The following CDKAL1 variants were observed in gnomAD, a reference collection of about 807,000 sequenced individuals.
The protein encoded by CDKAL1 is CDKAL1 threonylcarbamoyladenosine tRNA methylthiotransferase.
A neutral mutation model predicts 68.2 loss-of-function variants in CDKAL1; 32 were observed. That is an observed-to-expected ratio of 0.47 (90% CI 0.35 to 0.63). The LOEUF is 0.63. Ranked by LOEUF, CDKAL1 falls within the 30% of genes least tolerant of loss-of-function variation. The pLI is 0.00. For synonymous variants in CDKAL1, 234 were observed against 244.3 expected (o/e 0.96, Z 0.39); for missense variants, 606 against 696.7 (o/e 0.87, Z 1.47).
chr6:20,850,441 A>G (rs1758946016), intron 9 of CDKAL1, among the ~76,000 whole-genome samples: 1 of 152,138 alleles, frequency 6.6e-6, no homozygotes, highest in Admixed American at 6.5e-5. Context: ...TAGCATATTT[A>G]TCAGACATTT....
intron 13 of CDKAL1, among the ~76,000 whole-genome samples, chr6:21,195,435 T>C (rs1778424728): frequency 6.6e-6 from 1 of 152,076 alleles, no homozygotes; most frequent in South Asian, 2.1e-4. Context: ...GGTGCTGGGA[T>C]TACAGGCATG....
intron 13 of CDKAL1, among the ~76,000 whole-genome samples, chr6:21,139,753 C>T (rs114277131): frequency 6.1e-4 from 93 of 152,264 alleles, no homozygotes; most frequent in Admixed American, 1.2e-3. Flanking sequence ...AGCAGTCCTC[C>T]GGCCTCAGCC....
chr6:21,129,734 T>C (rs546876316), intron 13 of CDKAL1, among the ~76,000 whole-genome samples: 1 of 144,860 alleles, frequency 6.9e-6, no homozygotes, highest in East Asian at 2.0e-4. Context: ...GTACTAACTC[T>C]AGATATAATA....
intron 8 of CDKAL1, among the ~76,000 whole-genome samples, chr6:20,825,080 C>T (rs1299179562): frequency 6.6e-6 from 1 of 152,040 alleles, no homozygotes; most frequent in African/African-American, 2.4e-5. Context: ...AATCCCGACT[C>T]CTTGGTATTA....
rs529044063 is a variant in CDKAL1 at position 21,184,215 on chromosome 6, G to A, written c.1300-13806G>A. ...TTTGACCTTTTTTTTTTTTTTTTGA[G>A]GTGGAGTCTCGCTCTGTGTCCCAGG... On this transcript the variant is annotated intron_variant, in intron 13 of 15. Coordinates refer to ENST00000274695, the MANE Select transcript of CDKAL1 (RefSeq NM_017774.3). Among the ~76,000 whole-genome samples the A allele has an allele frequency of 4.6e-3, 677 of 146,420 alleles. 6 individuals carry two copies. Among genetic ancestry groups the A allele is most frequent in the Middle Eastern group, 0.011 (3 of 284 alleles).
At chr6:21,112,996 G>A (rs756990194) in intron 13 of CDKAL1, among the ~76,000 whole-genome samples, 4 of 152,118 alleles carry the variant, frequency 2.6e-5, no homozygotes, top group Admixed American at 6.6e-5. Flanking sequence ...AGGTAAAAGA[G>A]GGTAGTTATT....
At chr6:20,906,428 CAAAG>C (rs1178369853) in intron 9 of CDKAL1, among the ~76,000 whole-genome samples, 2 of 151,962 alleles carry the variant, frequency 1.3e-5, no homozygotes, top group African/African-American at 4.8e-5. Flanking sequence ...AATGCAACCA[CAAAG>C]AAAATACATA....
At chr6:20,601,154 A>T (rs1433084042) in intron 4 of CDKAL1, among the ~76,000 whole-genome samples, 1 of 152,118 alleles carries the variant, frequency 6.6e-6, no homozygotes, top group Non-Finnish European at 1.5e-5. Context: ...AGTGTTATTG[A>T]CGAATGCCTT....
rs549381225 is a variant in CDKAL1 at position 21,065,377 on chromosome 6, G to T, written c.1236+149G>T. 6.6e-6 allele frequency: 4 copies of T among 610,658 alleles called. No homozygotes were observed. In the African/African-American group the frequency reaches 7.8e-5, roughly 12 times the overall value. 37.8% of individuals were successfully genotyped at this position (610,658 alleles called of 1,614,324 possible). ...CCAAGTTGGGGTCAGGGGCCAGGGG[G>T]CCGTGGATGAGTTAAATGACCTTAG... On this transcript the variant is annotated intron_variant, in intron 12 of 15. Coordinates refer to ENST00000274695, the MANE Select transcript of CDKAL1 (RefSeq NM_017774.3).
chr6:20,977,117 A>G (rs1393442119), intron 10 of CDKAL1, among the ~76,000 whole-genome samples: 2 of 152,154 alleles, frequency 1.3e-5, no homozygotes, highest in African/African-American at 4.8e-5. Flanking sequence ...TTTGGATAGG[A>G]AGTAGTAAAG....
At chr6:20,642,600 A>G (rs548358385) in intron 4 of CDKAL1, among the ~76,000 whole-genome samples, 25 of 152,074 alleles carry the variant, frequency 1.6e-4, no homozygotes, top group Admixed American at 1.2e-3. Context: ...CGGAAGTCCA[A>G]AGTTTTCATA....
chr6:21,184,915 C>G (rs1388044433), intron 13 of CDKAL1, among the ~76,000 whole-genome samples: 1 of 150,774 alleles, frequency 6.6e-6, no homozygotes, highest in Non-Finnish European at 1.5e-5. Flanking sequence ...GATCTACCCA[C>G]CTCAACCTCC....
intron 12 of CDKAL1, among the ~76,000 whole-genome samples, chr6:21,084,911 C>G (rs1417823239): frequency 6.6e-6 from 1 of 152,160 alleles, no homozygotes; most frequent in Non-Finnish European, 1.5e-5. Flanking sequence ...CTGGGAGCAG[C>G]CTTCTTCATT....
At position 20,646,375 on chromosome 6, in the gene CDKAL1, CT is replaced by C. The variant is rs545910517; in HGVS notation, c.287-2905del. Among the ~76,000 whole-genome samples, 1,028 of 141,224 alleles carry C rather than the reference CT, an allele frequency of 7.3e-3. 4 individuals carry two copies. The highest frequency in any genetic ancestry group is 0.017 in the African/African-American group (662 of 38,828). 92.6% of individuals were successfully genotyped at this position (141,224 alleles called of 152,430 possible). On this transcript the variant is annotated intron_variant, in intron 4 of 15. Transcript: ENST00000274695. ...TGGCCAACTTTTTTCTTTCTTCTTC[CT>C]TTTTTTTTTTTTAAATAAGTAGAAG...
chr6:20,997,281 A>G (rs1767171630), intron 10 of CDKAL1, among the ~76,000 whole-genome samples: 1 of 152,216 alleles, frequency 6.6e-6, no homozygotes. Flanking sequence ...GATGAAGAGA[A>G]CACAAGTTGT....
chr6:21,201,945 T>C (rs1778707844), intron 15 of CDKAL1, among the ~76,000 whole-genome samples: 1 of 149,852 alleles, frequency 6.7e-6, no homozygotes, highest in Non-Finnish European at 1.5e-5. Context: ...TCCAACACAA[T>C]TGTTAAGCGC....
At position 20,701,513 on chromosome 6, in the gene CDKAL1, G is replaced by A. The variant is rs115964539; in HGVS notation, c.372-38006G>A. Among the ~76,000 whole-genome samples the A allele has an allele frequency of 5.7e-3, 867 of 152,252 alleles. 12 individuals carry two copies. Among genetic ancestry groups the A allele is most frequent in the African/African-American group, 0.02 (815 of 41,528 alleles). On this transcript the variant is annotated intron_variant, in intron 5 of 15. Transcript: ENST00000274695. ...ACATGAGTTAATGACCCCTCGAGTA[G>A]AGGATATGTGCCTCAGAAGTGGAGA...
chr6:20,926,477 G>A (rs929879276), intron 9 of CDKAL1, among the ~76,000 whole-genome samples: 1 of 152,004 alleles, frequency 6.6e-6, no homozygotes, highest in Non-Finnish European at 1.5e-5. Flanking sequence ...CAAAAGATTA[G>A]GAGTTACAAG....
At chr6:21,166,235 A>G (rs536967090) in intron 13 of CDKAL1, among the ~76,000 whole-genome samples, 2 of 152,308 alleles carry the variant, frequency 1.3e-5, no homozygotes, top group East Asian at 3.9e-4. Context: ...AACTTCATGT[A>G]GTTTTTCACT....
Sources: allele counts gnomAD v4.1 joint callset (sites outside exome capture counted in the v4.1 genomes callset), GRCh38; gene constraint gnomAD v4.1.1; transcripts MANE v1.5; gene names NCBI Gene and HGNC (gene_info 2026-07-23, HGNC 2026-07-21).